ARHGAP6: variants seen among roughly 807,000 people sequenced by gnomAD.
ARHGAP6 encodes the protein Rho GTPase activating protein 6.
ARHGAP6 carries 16 observed loss-of-function variants against 55.7 expected under a neutral mutation model. The ratio of observed to expected loss-of-function variants is 0.29; its 90% CI spans 0.19 to 0.44. ARHGAP6 has a LOEUF of 0.44. ARHGAP6 is among the 20% of genes least tolerant of loss of function. ARHGAP6 has a pLI of 1.00. For synonymous variants in ARHGAP6, 382 were observed against 360.9 expected, an observed-to-expected ratio of 1.06 and a Z score of -0.66; for missense variants, 698 against 808.9, an observed-to-expected ratio of 0.86 and a Z score of 1.66.
chrX:11,203,652 G>GT (rs1298922022), intron 2 of ARHGAP6, among the ~76,000 whole-genome samples: 1 of 111,997 alleles, frequency 8.9e-6, no homozygotes, highest in Non-Finnish European at 1.9e-5. Flanking sequence ...GTTTACAGAT[G>GT]TTTTTCTGGG....
At position 11,525,685 on chromosome X, in the gene ARHGAP6, A is replaced by G. The variant is rs1018532983; in HGVS notation, c.588+138556T>C. Among the ~76,000 whole-genome samples, 7 of 112,303 alleles carry G rather than the reference A, an allele frequency of 6.2e-5. No homozygotes were observed. The East Asian group carries it at 1.7e-3, about 27-fold the overall frequency. ...TTATATTTTATAGTTCAGTCCAAAG[A>G]AAATGCCCAAATAAAGATGCTAGGA... is the stretch of plus-strand genomic sequence containing the variant. On this transcript the variant is annotated intron_variant, in intron 1 of 12. Transcript: ENST00000337414.
At chrX:11,406,955 G>T (rs1376604225) in intron 1 of ARHGAP6, among the ~76,000 whole-genome samples, 2 of 110,092 alleles carry the variant, frequency 1.8e-5, no homozygotes, top group Non-Finnish European at 3.8e-5. Flanking sequence ...GCATTGCTTG[G>T]CTTTCTTGGT....
At chrX:11,561,330 T>C (rs867080056) in intron 1 of ARHGAP6, among the ~76,000 whole-genome samples, 9 of 112,154 alleles carry the variant, frequency 8.0e-5, no homozygotes, top group Middle Eastern at 4.6e-3. Flanking sequence ...TAAAACTATC[T>C]CCAAGGTATG....
chrX:11,630,798 G>A (rs1344418515), intron 1 of ARHGAP6, among the ~76,000 whole-genome samples: 1 of 112,404 alleles, frequency 8.9e-6, no homozygotes, highest in African/African-American at 3.2e-5. Flanking sequence ...TCTGAGCAAA[G>A]CTTTGAAGTT....
At chrX:11,552,454 A>C (rs1441148268) in intron 1 of ARHGAP6, among the ~76,000 whole-genome samples, 7 of 102,021 alleles carry the variant, frequency 6.9e-5, no homozygotes, top group African/African-American at 2.5e-4. Flanking sequence ...AGCATGTCAA[A>C]TATCTGCACT....
chrX:11,373,120 C>T (rs867627690), intron 1 of ARHGAP6, among the ~76,000 whole-genome samples: 122 of 67,650 alleles, frequency 1.8e-3, no homozygotes, highest in Middle Eastern at 8.5e-3. Flanking sequence ...CACACACACA[C>T]ATATATATAT....
At chrX:11,193,413 A>C (rs900523052) in intron 3 of ARHGAP6, among the ~76,000 whole-genome samples, 5 of 112,899 alleles carry the variant, frequency 4.4e-5, no homozygotes, top group Non-Finnish European at 9.4e-5. Flanking sequence ...CATCTGTGCC[A>C]GACCGGCACC....
intron 10 of ARHGAP6, among the ~76,000 whole-genome samples, chrX:11,155,519 C>T (rs1409760512): frequency 3.6e-5 from 4 of 111,060 alleles, no homozygotes; most frequent in Non-Finnish European, 5.7e-5. Flanking sequence ...AGGTTGGTCT[C>T]GAACTCCTGA....
At chrX:11,522,269 C>T (rs774942537) in intron 1 of ARHGAP6, among the ~76,000 whole-genome samples, 2 of 110,545 alleles carry the variant, frequency 1.8e-5, no homozygotes, top group Admixed American at 9.7e-5. Context: ...ACTAAATGCC[C>T]ACAAGAGAAA....
At chrX:11,247,217 G>C (rs767864545) in intron 2 of ARHGAP6, among the ~76,000 whole-genome samples, 1 of 111,734 alleles carries the variant, frequency 8.9e-6, no homozygotes, top group South Asian at 3.8e-4. Flanking sequence ...TAAACCATCA[G>C]CTATTCCTCA....
At chrX:11,457,434 T>A (rs1482630896) in intron 1 of ARHGAP6, among the ~76,000 whole-genome samples, 2 of 111,070 alleles carry the variant, frequency 1.8e-5, no homozygotes, top group Non-Finnish European at 3.8e-5. Flanking sequence ...AGGAAGACAT[T>A]CTCTTCCTTA....
At chrX:11,425,162 G>A (rs1206383255) in intron 1 of ARHGAP6, among the ~76,000 whole-genome samples, 1 of 111,483 alleles carries the variant, frequency 9.0e-6, no homozygotes, top group South Asian at 3.8e-4. Flanking sequence ...ACTTATCCCC[G>A]AATTATATTT....
At chrX:11,526,324 C>T (rs142889554) in intron 1 of ARHGAP6, among the ~76,000 whole-genome samples, 15 of 111,740 alleles carry the variant, frequency 1.3e-4, no homozygotes, top group African/African-American at 4.9e-4. Flanking sequence ...GTAACCACTT[C>T]CAGACTTCCC....
At chrX:11,391,975 A>G (rs866097783) in intron 1 of ARHGAP6, among the ~76,000 whole-genome samples, 12 of 112,322 alleles carry the variant, frequency 1.1e-4, no homozygotes, top group South Asian at 3.7e-4. Flanking sequence ...ACTGTCTATG[A>G]CTAAGCTCCT....
chrX:11,174,631 C>CTTTCTTTCTTTCTTTCTCTTTCT (rs2046167733), intron 8 of ARHGAP6, among the ~76,000 whole-genome samples: 2 of 27,094 alleles, frequency 7.4e-5, no homozygotes, highest in Non-Finnish European at 1.3e-4. Flanking sequence ...TCTTTTCTTT[C>CTTTCTTTCTTTCTTTCTCTTTCT]TTTCTTTCTT....
At chrX:11,454,110 A>ATTTTTTTTTTTT (rs1187605203) in intron 1 of ARHGAP6, among the ~76,000 whole-genome samples, 98 of 76,790 alleles carry the variant, frequency 1.3e-3, no homozygotes, top group Non-Finnish European at 1.8e-3. Flanking sequence ...CGCACGGCTA[A>ATTTTTTTTTTTT]TTTTTTTTTT....
intron 1 of ARHGAP6, among the ~76,000 whole-genome samples, chrX:11,421,026 TGAG>T (rs2049817088): frequency 9.0e-6 from 1 of 110,527 alleles, no homozygotes; most frequent in Non-Finnish European, 1.9e-5. Context: ...GCTTTGGCAT[TGAG>T]GAGTGAAGAA....
intron 1 of ARHGAP6, among the ~76,000 whole-genome samples, chrX:11,307,493 T>G (rs1237818161): frequency 2.7e-5 from 3 of 111,987 alleles, no homozygotes; most frequent in Non-Finnish European, 3.8e-5. Flanking sequence ...GGGAAGGAAA[T>G]GTTTGCAAAT....
intron 2 of ARHGAP6, among the ~76,000 whole-genome samples, chrX:11,232,419 G>C (rs111688429): frequency 0.026 from 2,819 of 110,362 alleles, 38 homozygotes; most frequent in Middle Eastern, 0.078. Context: ...CCAAGAGTTC[G>C]AGACCAGCCT....
Sources: gnomAD v4.1 joint callset for allele counts (sites outside exome capture counted in the v4.1 genomes callset) on GRCh38, gnomAD v4.1.1 for gene constraint, MANE v1.5 for transcripts, NCBI Gene and HGNC (gene_info 2026-07-23, HGNC 2026-07-21) for gene names.